Variants in LRRC28 observed in about 807,000 individuals in gnomAD.
The protein encoded by LRRC28 is leucine rich repeat containing 28.
A neutral mutation model predicts 45.7 loss-of-function variants in LRRC28; 39 were observed. The ratio of observed to expected loss-of-function variants is 0.85; its 90% CI spans 0.66 to 1.12. The LOEUF (loss-of-function observed/expected upper bound fraction) is 1.12. Among genes scored for constraint, LRRC28 ranks in the 50% most tolerant of loss-of-function variants. LRRC28 has a pLI of 0.00. For missense variants in LRRC28, 435 were observed against 438.5 expected (o/e 0.99, Z 0.07); for synonymous variants, 206 against 178.8 (o/e 1.15, Z -1.22).
chr15:99,308,362 A>C (rs1882190598), intron 5 of LRRC28, among the ~76,000 whole-genome samples: 1 of 152,162 alleles, frequency 6.6e-6, no homozygotes, highest in South Asian at 2.1e-4. Flanking sequence ...ATATGATTGA[A>C]GAAAGTAAAA....
Position 99,363,227 on chromosome 15 carries a change from T to G in LRRC28, c.993T>G (p.Phe331Leu), listed in dbSNP as rs890973064. The change falls in exon 9 of 10, where the codon TTT becomes TTG. Residue 331 changes from phenylalanine to leucine, a missense_variant. Physicochemically the swap from Phe to Leu is conservative, Grantham distance 22 (BLOSUM62 0). Coordinates refer to ENST00000301981, the MANE Select transcript of LRRC28 (RefSeq NM_144598.5). The part of the protein sequence containing the change: ...PMFTIVYPKL[F>L]PLRETPMAGL... The stretch of plus-strand genomic sequence containing the variant: ...TTACCATCGTCTACCCCAAGCTCTT[T>G]CCCTTGAGAGAGACGCCAATGGCAG... 3 of 1,613,952 alleles carry G rather than the reference T, an allele frequency of 1.9e-6. No homozygotes were observed. Among genetic ancestry groups the G allele is most frequent in the Non-Finnish European group, 2.5e-6 (3 of 1,179,930 alleles).
intron 9 of LRRC28, among the ~76,000 whole-genome samples, chr15:99,373,900 TA>T (rs1476914951): frequency 6.6e-6 from 1 of 152,214 alleles, no homozygotes; most frequent in Non-Finnish European, 1.5e-5. Context: ...GAAGCCTATA[TA>T]AATCTCTGTT....
chr15:99,264,953 G>C (rs2081293909), intron 2 of LRRC28, among the ~76,000 whole-genome samples: 2 of 152,180 alleles, frequency 1.3e-5, no homozygotes, highest in Non-Finnish European at 2.9e-5. Flanking sequence ...AGGGAGAACA[G>C]GTGGAAAGAC....
intron 9 of LRRC28, among the ~76,000 whole-genome samples, chr15:99,366,925 A>G (rs753179143): frequency 3.3e-5 from 5 of 152,108 alleles, no homozygotes; most frequent in Non-Finnish European, 5.9e-5. Flanking sequence ...GTCACTCAAT[A>G]CTGAATATAA....
intron 5 of LRRC28, among the ~76,000 whole-genome samples, chr15:99,300,533 G>A (rs754142075): frequency 6.6e-6 from 1 of 151,944 alleles, no homozygotes; most frequent in Non-Finnish European, 1.5e-5. Context: ...ATTTTTAAAG[G>A]TATGCACAAT....
chr15:99,337,378 A>G (rs542287194), intron 6 of LRRC28, among the ~76,000 whole-genome samples: 243 of 152,326 alleles, frequency 1.6e-3, no homozygotes, highest in African/African-American at 5.5e-3. Context: ...GGTGATAGAA[A>G]TGGTTGTTGG....
At chr15:99,379,828 A>T (rs761240212) in intron 9 of LRRC28, among the ~76,000 whole-genome samples, 1 of 152,218 alleles carries the variant, frequency 6.6e-6, no homozygotes, top group Non-Finnish European at 1.5e-5. Flanking sequence ...CAGGTTGTTC[A>T]GTTTCCATGT....
At chr15:99,259,429 G>T in intron 2 of LRRC28, 1 of 1,371,514 alleles carries the variant, frequency 7.3e-7, no homozygotes, top group South Asian at 1.2e-5. Flanking sequence ...AGAAAACTAA[G>T]GAGAGTCATG....
intron 9 of LRRC28, among the ~76,000 whole-genome samples, chr15:99,371,805 A>G (rs2152333806): frequency 6.6e-6 from 1 of 152,318 alleles, no homozygotes; most frequent in South Asian, 2.1e-4. Context: ...TTCAAAAATT[A>G]TTTGTTGACC....
In LRRC28 at chr15:99,344,879, C is replaced by T. The variant is rs184461099; in HGVS notation, c.593-7490C>T. Among the ~76,000 whole-genome samples, 23 of 152,246 alleles carry T rather than the reference C, an allele frequency of 1.5e-4. No homozygotes were observed. The East Asian group carries it at 3.5e-3, about 23-fold the overall frequency. On this transcript the variant is annotated intron_variant, in intron 6 of 9. Transcript: ENST00000301981. Reference sequence around the variant, plus strand: ...GGGATGAATCATTGTCTCTAGAGGCCGCTGCCTCCAACTCTTCTCTGTGCA... The same window carrying T: ...GGGATGAATCATTGTCTCTAGAGGCTGCTGCCTCCAACTCTTCTCTGTGCA...
At chr15:99,285,497 C>A (rs955882029) in intron 3 of LRRC28, 6 of 1,060,758 alleles carry the variant, frequency 5.7e-6, no homozygotes, top group Non-Finnish European at 8.6e-6. Flanking sequence ...CTCAGGCTCT[C>A]ATCGGTTGTT....
At chr15:99,259,375 G>C in intron 2 of LRRC28, 1 of 1,554,394 alleles carries the variant, frequency 6.4e-7, no homozygotes, top group Non-Finnish European at 8.9e-7. Context: ...ATGGGAAGAG[G>C]TTCCAGAATG....
Position 99,363,226 on chromosome 15 carries a change from T to C in LRRC28, c.992T>C (p.Phe331Ser), listed in dbSNP as rs1184472147. The C allele has an allele frequency of 1.9e-6, 3 of 1,613,908 alleles. No individual in the cohort carries two copies. The African/African-American group carries it at 4.0e-5, about 22-fold the overall frequency. Residue 331 changes from phenylalanine (F) to serine (S), a missense_variant, in exon 9 of 10, where the codon TTT becomes TCT. By Grantham distance (155) the Phe-to-Ser change is radical. Coordinates refer to ENST00000301981, the MANE Select transcript of LRRC28 (RefSeq NM_144598.5). ...PMFTIVYPKL[F>S]PLRETPMAGL... ...TTTACCATCGTCTACCCCAAGCTCT[T>C]TCCCTTGAGAGAGACGCCAATGGCA... is the stretch of plus-strand genomic sequence containing the variant.
chr15:99,321,342 T>C (rs1955789998), intron 5 of LRRC28, among the ~76,000 whole-genome samples: 1 of 152,242 alleles, frequency 6.6e-6, no homozygotes, highest in African/African-American at 2.4e-5. Context: ...GTCTAAGTTA[T>C]GCATGTTACA....
At chr15:99,353,873 T>C (rs981226753) in intron 7 of LRRC28, 4 of 152,220 alleles carry the variant, frequency 2.6e-5, no homozygotes, top group African/African-American at 9.7e-5. Flanking sequence ...AAAGTTCTGT[T>C]TGTGCTAAGT....
At chr15:99,371,277 T>C (rs1338604715) in intron 9 of LRRC28, among the ~76,000 whole-genome samples, 1 of 152,190 alleles carries the variant, frequency 6.6e-6, no homozygotes, top group African/African-American at 2.4e-5. Context: ...GAGGGCTCCA[T>C]GGGCTTCAAT....
At chr15:99,253,016 C>G (rs1382346364) in intron 1 of LRRC28, among the ~76,000 whole-genome samples, 2 of 151,982 alleles carry the variant, frequency 1.3e-5, no homozygotes, top group Admixed American at 1.3e-4. Flanking sequence ...TAGACAGATG[C>G]AACGATAAAT....
chr15:99,262,238 G>T (rs1293365691), intron 2 of LRRC28, among the ~76,000 whole-genome samples: 1 of 151,988 alleles, frequency 6.6e-6, no homozygotes, highest in Non-Finnish European at 1.5e-5. Context: ...ATTTAGGATA[G>T]CCTAAAAAGT....
intron 5 of LRRC28, among the ~76,000 whole-genome samples, chr15:99,308,077 C>T (rs1459892699): frequency 3.3e-5 from 5 of 152,178 alleles, no homozygotes; most frequent in Admixed American, 2.6e-4. Flanking sequence ...AGAGTGTTAG[C>T]AGAACTGTTG....
Sources: gnomAD v4.1 joint callset for allele counts (sites outside exome capture counted in the v4.1 genomes callset) on GRCh38, gnomAD v4.1.1 for gene constraint, MANE v1.5 for transcripts, NCBI Gene and HGNC (gene_info 2026-07-23, HGNC 2026-07-21) for gene names.